SVBP: variants seen among roughly 807,000 people sequenced by gnomAD.
The protein encoded by SVBP is small vasohibin-binding protein.
Under a neutral mutation model 9.2 loss-of-function variants are expected in SVBP, and 9 were observed. The observed-to-expected ratio is 0.98, with a 90% CI of 0.59 to 1.71. The LOEUF (loss-of-function observed/expected upper bound fraction) is 1.71, where lower values mean the gene tolerates loss of function less well. Ranked by LOEUF, SVBP falls within the 40% of genes most tolerant of loss-of-function variation. The probability of loss-of-function intolerance (pLI) is 0.00; values close to 1 mark genes in which losing one functional copy is unlikely to be tolerated. For synonymous variants in SVBP, 27 were observed against 23.9 expected (o/e 1.13, Z -0.37); for missense variants, 63 against 73.2 (o/e 0.86, Z 0.51).
intron 1 of SVBP, chr1:42,816,880 C>T (rs1654226795): frequency 9.2e-6 from 2 of 217,436 alleles, no homozygotes; most frequent in South Asian, 6.5e-5. Context: ...TGCAAAGACC[C>T]CTGTGAAAGC....
Position 42,807,573 on chromosome 1 carries a change from G to A in SVBP, c.115-73C>T, listed in dbSNP as rs1653988209. On this transcript the variant is annotated intron_variant, in intron 2 of 2. Transcript: ENST00000372521. Reference sequence around the variant, plus strand: ...CAAAGCATCTTCTGACATAACAGGTGGTGCCTTCTGAAAATACCAGAATTT... The same window carrying A: ...CAAAGCATCTTCTGACATAACAGGTAGTGCCTTCTGAAAATACCAGAATTT... The A allele has an allele frequency of 4.3e-6, 5 of 1,159,554 alleles. No homozygotes were observed. In the African/African-American group the frequency reaches 7.6e-5, roughly 18 times the overall value. The allele number at this position is 1,159,554 out of a possible 1,614,324, so 71.8% of individuals were successfully genotyped here.
At position 42,807,519 on chromosome 1, in the gene SVBP, T is replaced by TA. The variant is rs1272163988; in HGVS notation, c.115-20dup. ...CATAGATCTGAATGAGAGAAAGAGA[T>TA]ACATCTGTTAGCAATGGAAGCAGCT... On this transcript the variant is annotated intron_variant, in intron 2 of 2. Coordinates refer to ENST00000372521, the MANE Select transcript of SVBP (RefSeq NM_199342.4). 1.9e-6 allele frequency: 3 copies of TA among 1,587,282 alleles called. No individual in the cohort carries two copies. Among genetic ancestry groups the TA allele is most frequent in the Admixed American group, 1.7e-5 (1 of 59,912 alleles).
At chr1:42,815,018 C>T (rs1447822100) in intron 2 of SVBP, among the ~76,000 whole-genome samples, 2 of 152,040 alleles carry the variant, frequency 1.3e-5, no homozygotes, top group African/African-American at 2.4e-5. Flanking sequence ...CACATATACA[C>T]CATGGAATAC....
chr1:42,814,515 C>A (rs545413288), intron 2 of SVBP, among the ~76,000 whole-genome samples: 1 of 152,130 alleles, frequency 6.6e-6, no homozygotes, highest in South Asian at 2.1e-4. Context: ...ACTCTGGAGG[C>A]CGAGGCAGGA....
intron 2 of SVBP, among the ~76,000 whole-genome samples, chr1:42,808,397 A>C (rs958587045): frequency 6.9e-6 from 1 of 145,012 alleles, no homozygotes; most frequent in Non-Finnish European, 1.5e-5. Flanking sequence ...GGCTATATAT[A>C]GTATATAAGC....
chr1:42,808,191 T>C (rs1654007681), intron 2 of SVBP, among the ~76,000 whole-genome samples: 1 of 135,822 alleles, frequency 7.4e-6, no homozygotes. Context: ...ATACTATGTA[T>C]AGTATATATA....
intron 2 of SVBP, among the ~76,000 whole-genome samples, chr1:42,809,875 A>C (rs934165114): frequency 6.6e-6 from 1 of 152,186 alleles, no homozygotes; most frequent in African/African-American, 2.4e-5. Flanking sequence ...AAAACAATAT[A>C]TTGTTACACA....
intron 2 of SVBP, chr1:42,813,623 G>A: frequency 1.9e-6 from 1 of 529,904 alleles, no homozygotes; most frequent in Admixed American, 1.9e-5. Context: ...TTGGTGTGAG[G>A]TAACCACATA....
At chr1:42,810,661 A>G (rs1380235417) in intron 2 of SVBP, among the ~76,000 whole-genome samples, 1 of 152,136 alleles carries the variant, frequency 6.6e-6, no homozygotes. Flanking sequence ...TCAGTCAAGA[A>G]GGAAACGGAC....
At chr1:42,811,825 C>A (rs1654089919) in intron 2 of SVBP, among the ~76,000 whole-genome samples, 1 of 152,024 alleles carries the variant, frequency 6.6e-6, no homozygotes. Context: ...ATAAATTTAA[C>A]CTATAGAACT....
chr1:42,810,129 C>T (rs562830348), intron 2 of SVBP, among the ~76,000 whole-genome samples: 1 of 143,966 alleles, frequency 6.9e-6, no homozygotes, highest in African/African-American at 2.8e-5. Context: ...CATACATACA[C>T]ACACACACAC....
Position 42,817,302 on chromosome 1 carries a change from C to T in SVBP, c.-149G>A, listed in dbSNP as rs1388664289. On this transcript the variant is annotated 5_prime_UTR_variant, in exon 1 of 3. Transcript: ENST00000372521. ...ACTGGACCCAGCGCTGCCTGCCCACCGCCCCTCGTCCTGGGCGGGGCCGCG... is the reference window on the plus strand; with the variant it reads ...ACTGGACCCAGCGCTGCCTGCCCACTGCCCCTCGTCCTGGGCGGGGCCGCG... The T allele has an allele frequency of 6.7e-6, 8 of 1,192,682 alleles. No individual in the cohort carries two copies. The highest frequency in any genetic ancestry group is 5.4e-5 in the South Asian group (4 of 73,580). The allele number at this position is 1,192,682 out of a possible 1,614,324, so 73.9% of individuals were successfully genotyped here.
intron 2 of SVBP, among the ~76,000 whole-genome samples, chr1:42,812,993 T>C (rs1654112123): frequency 6.6e-6 from 1 of 152,238 alleles, no homozygotes; most frequent in South Asian, 2.1e-4. Context: ...TTTAAGCTGT[T>C]AAGCTTTAAG....
intron 1 of SVBP, chr1:42,816,785 C>A: frequency 2.2e-6 from 1 of 458,302 alleles, no homozygotes; most frequent in Non-Finnish European, 3.9e-6. Flanking sequence ...AGTCTCCTCC[C>A]CACTTTGAGC....
In SVBP at chr1:42,807,368, A is replaced by T; in HGVS notation, c.*46T>A. ...GCCATCTCAGCTTAAAACTGGCAAC[A>T]CCCTCTCAAAGCTCTCAGGATCCCA... On this transcript the variant is annotated 3_prime_UTR_variant, in exon 3 of 3. Transcript: ENST00000372521. The T allele has an allele frequency of 7.0e-7, 1 of 1,429,186 alleles. No individual in the cohort carries two copies. Among genetic ancestry groups the T allele is most frequent in the Non-Finnish European group, 9.9e-7 (1 of 1,012,468 alleles). The allele number at this position is 1,429,186 out of a possible 1,614,324, so 88.5% of individuals were successfully genotyped here.
At chr1:42,809,854 C>G (rs1405356238) in intron 2 of SVBP, among the ~76,000 whole-genome samples, 1 of 151,970 alleles carries the variant, frequency 6.6e-6, no homozygotes, top group Non-Finnish European at 1.5e-5. Context: ...TATAAAAGGT[C>G]AGAAACATTC....
At chr1:42,817,046 G>GC in intron 1 of SVBP, 144 bp downstream of exon 1, 3 of 220,884 alleles carry the variant, frequency 1.4e-5, no homozygotes, top group Non-Finnish European at 2.3e-5. Flanking sequence ...AGCCAGCCGG[G>GC]CCCGCCCCCC....
At chr1:42,811,562 C>T (rs947336068) in intron 2 of SVBP, among the ~76,000 whole-genome samples, 2 of 152,138 alleles carry the variant, frequency 1.3e-5, no homozygotes, top group Non-Finnish European at 2.9e-5. Context: ...GAGCAGGCTG[C>T]CTGCTTGGAA....
intron 2 of SVBP, among the ~76,000 whole-genome samples, chr1:42,810,340 A>T (rs541849521): frequency 9.9e-5 from 15 of 151,902 alleles, no homozygotes; most frequent in African/African-American, 3.6e-4. Flanking sequence ...TAGAGACGGG[A>T]TTTCACCATG....
Sources: allele counts gnomAD v4.1 joint callset (sites outside exome capture counted in the v4.1 genomes callset), GRCh38; gene constraint gnomAD v4.1.1; transcripts MANE v1.5; gene names NCBI Gene and HGNC (gene_info 2026-07-23, HGNC 2026-07-21).